Variants in DNAH12 observed in about 807,000 individuals in gnomAD.
The protein encoded by DNAH12 is axonemal beta dynein heavy chain 12.
DNAH12 carries 285 observed loss-of-function variants against 371.5 expected under a neutral mutation model. The ratio of observed to expected loss-of-function variants is 0.77; its 90% CI spans 0.70 to 0.85. DNAH12 has a LOEUF of 0.85. Among genes scored for constraint, DNAH12 ranks in the 40% least tolerant of loss-of-function variants. DNAH12 has a pLI of 0.00. For missense variants in DNAH12, 3,611 were observed against 3,689.4 expected (o/e 0.98, Z 0.55); for synonymous variants, 1,200 against 1,213.0 (o/e 0.99, Z 0.22).
At position 57,296,404 on chromosome 3, in the gene DNAH12, G is replaced by A. The variant is rs1480668034; in HGVS notation, c.11564C>T (p.Pro3855Leu). Residue 3855 changes from proline (P) to leucine (L), a missense_variant, in exon 72 of 74, where the codon CCA (proline) becomes CTA (leucine). This residue lies in a region of DNAH12 where 2,266 missense variants were observed against 2,236.9 expected (regional missense o/e 1.01). Transcript: ENST00000495027. ...TCCGTGGATATAAACACCATCTTCT[G>A]GTGATGTGTCAGATGTATCAGATGG... ...VIPSDTSDTS[P>L]EDGVYIHGLY... is the part of the protein sequence containing the mutation. The A allele has an allele frequency of 6.4e-7, 1 of 1,550,762 alleles. No homozygotes were observed. Among genetic ancestry groups the A allele is most frequent in the Admixed American group, 2.0e-5 (1 of 50,972 alleles).
intron 45 of DNAH12, among the ~76,000 whole-genome samples, chr3:57,389,349 A>G (rs1303276926): frequency 1.3e-5 from 2 of 152,176 alleles, no homozygotes; most frequent in African/African-American, 4.8e-5. Flanking sequence ...ATTTATGACT[A>G]AAGAGGCAGA....
intron 10 of DNAH12, 73 bp downstream of exon 10, chr3:57,502,250 A>T: frequency 6.3e-7 from 1 of 1,578,200 alleles, no homozygotes; most frequent in South Asian, 1.2e-5. Flanking sequence ...CCCCAGACAA[A>T]CAAACATCTG....
chr3:57,312,299 T>C (rs565658706), intron 66 of DNAH12, among the ~76,000 whole-genome samples: 1 of 152,174 alleles, frequency 6.6e-6, no homozygotes, highest in East Asian at 1.9e-4. Context: ...AAGAGTAAAG[T>C]TTTTCCATGT....
At chr3:57,501,469 A>G (rs1317588960) in intron 10 of DNAH12, 57 bp from the exon 11 acceptor site, 3 of 1,307,984 alleles carry the variant, frequency 2.3e-6, no homozygotes, top group South Asian at 1.4e-5. Flanking sequence ...AAGATAAAAC[A>G]CTTTTTTTAT....
At chr3:57,394,135 T>C (rs2063689927) in intron 44 of DNAH12, 36 bp downstream of exon 44, 1 of 152,192 alleles carries the variant, frequency 6.6e-6, no homozygotes. Context: ...AATAAAGTTT[T>C]TGTGCTAGAA....
chr3:57,418,170 CAAAT>C (rs1559636581), intron 37 of DNAH12, among the ~76,000 whole-genome samples: 1 of 142,632 alleles, frequency 7.0e-6, no homozygotes, highest in African/African-American at 2.7e-5. Context: ...AATAAATAAA[CAAAT>C]AAATAAATAT....
rs2068106109 is a variant in DNAH12, at chr3:57,514,323, G to A, written c.280-3344C>T. Among the ~76,000 whole-genome samples the A allele has an allele frequency of 3.3e-5, 5 of 151,718 alleles. No individual in the cohort carries two copies. The South Asian group carries it at 1.0e-3, about 32-fold the overall frequency. ...GCAGGAGAATCGCTTGAACCCGGGA[G>A]GCAGAGGTTGCAGTGAGCCGAGATT... On this transcript the variant is annotated intron_variant, in intron 4 of 73. Coordinates refer to ENST00000495027, the MANE Select transcript of DNAH12 (RefSeq NM_001366028.2).
At chr3:57,311,932 G>A (rs527727907) in intron 66 of DNAH12, among the ~76,000 whole-genome samples, 13 of 151,948 alleles carry the variant, frequency 8.6e-5, no homozygotes, top group Non-Finnish European at 1.8e-4. Flanking sequence ...TGTCTTATTC[G>A]CCTCTCAATA....
At position 57,468,911 on chromosome 3, in the gene DNAH12, C is replaced by G. The variant is rs1166579378; in HGVS notation, c.2174G>C (p.Arg725Pro). Residue 725 changes from arginine (R) to proline (P), a missense_variant, in exon 17 of 74, where the codon CGA becomes CCA. Physicochemically the swap from Arg to Pro is moderately radical, Grantham distance 103. Coordinates refer to ENST00000495027, the MANE Select transcript of DNAH12 (RefSeq NM_001366028.2). ...SMEADVEEFS[R>P]EIFKTLKFFQ... is the part of the protein sequence containing the mutation. ...AAATTTTAGTGTCTTAAAAATTTCTCGGGAAAACTCTTCCACATCAGCCTC... is the reference window on the plus strand; with the variant it reads ...AAATTTTAGTGTCTTAAAAATTTCTGGGGAAAACTCTTCCACATCAGCCTC... The G allele has an allele frequency of 6.6e-7, 1 of 1,524,660 alleles. No homozygotes were observed. Among genetic ancestry groups the G allele is most frequent in the Non-Finnish European group, 8.8e-7 (1 of 1,139,676 alleles). 94.4% of individuals were successfully genotyped at this position (1,524,660 alleles called of 1,614,324 possible).
At chr3:57,495,780 T>A (rs1371259985) in intron 11 of DNAH12, among the ~76,000 whole-genome samples, 4 of 144,212 alleles carry the variant, frequency 2.8e-5, no homozygotes, top group African/African-American at 1.0e-4. Flanking sequence ...TATATATTTT[T>A]ATATATTTAT....
intron 9 of DNAH12, 115 bp downstream of exon 9, chr3:57,503,901 T>G: frequency 2.4e-6 from 2 of 848,920 alleles, no homozygotes; most frequent in Non-Finnish European, 3.3e-6. Context: ...TAATTTGAAA[T>G]AATTGGGGGA....
At chr3:57,297,675 T>G (rs1428177257) in intron 70 of DNAH12, among the ~76,000 whole-genome samples, 2 of 152,080 alleles carry the variant, frequency 1.3e-5, no homozygotes, top group Admixed American at 1.3e-4. Flanking sequence ...TTAACCCTCT[T>G]AAACCCCTTG....
chr3:57,519,646 A>C, intron 4 of DNAH12: 1 of 1,362,152 alleles, frequency 7.3e-7, no homozygotes, highest in Non-Finnish European at 1.0e-6. Context: ...GAACAACTGC[A>C]CTAAGAAGCC....
chr3:57,306,893 A>G (rs1378897950), intron 69 of DNAH12, among the ~76,000 whole-genome samples: 1 of 150,664 alleles, frequency 6.6e-6, no homozygotes, highest in East Asian at 2.0e-4. Context: ...CCTATCCTCA[A>G]TACCTCCCTA....
chr3:57,392,838 C>A (rs2063653640), intron 44 of DNAH12, among the ~76,000 whole-genome samples: 1 of 152,012 alleles, frequency 6.6e-6, no homozygotes, highest in African/African-American at 2.4e-5. Flanking sequence ...GAAAGCCTAG[C>A]AAAGCTTAGG....
intron 2 of DNAH12, among the ~76,000 whole-genome samples, chr3:57,526,823 C>CA (rs1346661852): frequency 6.6e-6 from 1 of 151,018 alleles, no homozygotes; most frequent in East Asian, 2.0e-4. Context: ...CGCCCGGCCT[C>CA]TTTTTTGTTG....
upstream of DNAH12, among the ~76,000 whole-genome samples, chr3:57,548,140 A>T (rs2069593610): frequency 6.6e-6 from 1 of 152,228 alleles, no homozygotes; most frequent in South Asian, 2.1e-4. Flanking sequence ...CATAGTAGCC[A>T]TAATTATGAC....
At chr3:57,477,150 G>C (rs1368523808) in intron 13 of DNAH12, among the ~76,000 whole-genome samples, 1 of 152,168 alleles carries the variant, frequency 6.6e-6, no homozygotes, top group East Asian at 1.9e-4. Flanking sequence ...GGGAGTGCAA[G>C]GGGTCAGAGA....
intron 13 of DNAH12, among the ~76,000 whole-genome samples, chr3:57,480,279 A>G (rs1162529028): frequency 2.0e-5 from 3 of 152,220 alleles, no homozygotes; most frequent in African/African-American, 7.2e-5. Context: ...ACCATCAGAG[A>G]ATACTATAAA....
Sources: gnomAD v4.1 joint callset for allele counts (sites outside exome capture counted in the v4.1 genomes callset) on GRCh38, gnomAD v4.1.1 for gene constraint, gnomAD v4.1.1 regional missense constraint, MANE v1.5 for transcripts, NCBI Gene and HGNC (gene_info 2026-07-23, HGNC 2026-07-21) for gene names.